SP140L: variants seen among roughly 807,000 people sequenced by gnomAD.
SP140L encodes SP140 like nuclear body protein.
A neutral mutation model predicts 84.3 loss-of-function variants in SP140L; 64 were observed. That is an observed-to-expected ratio of 0.76 (90% CI 0.62 to 0.94). SP140L has a LOEUF of 0.94. Among genes scored for constraint, SP140L ranks in the 40% least tolerant of loss-of-function variants. SP140L has a pLI of 0.00. For synonymous variants in SP140L, 242 were observed against 236.9 expected (o/e 1.02, Z -0.20); for missense variants, 628 against 692.5 (o/e 0.91, Z 1.05).
intron 5 of SP140L, among the ~76,000 whole-genome samples, chr2:230,367,953 T>C (rs1164492860): frequency 6.6e-6 from 1 of 152,128 alleles, no homozygotes; most frequent in Non-Finnish European, 1.5e-5. Context: ...ATATTGTAGG[T>C]ATTATTTTTA....
chr2:230,385,823 G>A (rs1022953507), intron 9 of SP140L, among the ~76,000 whole-genome samples: 1 of 152,170 alleles, frequency 6.6e-6, no homozygotes, highest in Non-Finnish European at 1.5e-5. Context: ...CCTTAGTCTG[G>A]AACACATATA....
chr2:230,363,103 T>C (rs1487131973), intron 5 of SP140L, among the ~76,000 whole-genome samples: 1 of 152,206 alleles, frequency 6.6e-6, no homozygotes, highest in African/African-American at 2.4e-5. Context: ...GATTTTCAAT[T>C]TATGTTGGGT....
intron 2 of SP140L, among the ~76,000 whole-genome samples, chr2:230,347,080 G>C (rs1425082504): frequency 6.6e-6 from 1 of 152,178 alleles, no homozygotes; most frequent in Non-Finnish European, 1.5e-5. Context: ...CAGGTCAGCT[G>C]GTAGCATCCA....
chr2:230,388,657 C>T (rs375370313), intron 10 of SP140L, 24 bp downstream of exon 10: 115 of 1,556,680 alleles, frequency 7.4e-5, no homozygotes, highest in Non-Finnish European at 9.7e-5. Context: ...GAGGAATGCA[C>T]TTTCAATAAC....
intron 7 of SP140L, among the ~76,000 whole-genome samples, chr2:230,380,371 A>G (rs940515909): frequency 2.0e-5 from 3 of 152,294 alleles, no homozygotes; most frequent in African/African-American, 2.4e-5. Context: ...CCATGTCACT[A>G]TCCATATATA....
intron 13 of SP140L, among the ~76,000 whole-genome samples, chr2:230,394,055 C>T (rs2061943102): frequency 6.6e-6 from 1 of 152,148 alleles, no homozygotes; most frequent in South Asian, 2.1e-4. Context: ...AAATTATTTA[C>T]CTTTGTCAAG....
chr2:230,361,104 C>T (rs2060701088), intron 4 of SP140L, among the ~76,000 whole-genome samples: 1 of 152,120 alleles, frequency 6.6e-6, no homozygotes, highest in Admixed American at 6.5e-5. Flanking sequence ...TGCACACAAC[C>T]ACATCAGGCT....
intron 2 of SP140L, among the ~76,000 whole-genome samples, chr2:230,354,928 A>AGAG (rs2060496267): frequency 6.7e-6 from 1 of 149,408 alleles, no homozygotes; most frequent in East Asian, 2.0e-4. Flanking sequence ...AAAGAAAGAA[A>AGAG]AAAGAAAAAG....
chr2:230,371,603 G>A lies in SP140L; in HGVS notation c.589G>A (p.Val197Met). ...SDQACGKMDT[V>M]DIANNSTLGK... ...TACCACTTGTTATTTTCTAGATACTGTGGATATTGCAAACAACTCTACTTT... is the reference window on the plus strand; with the variant it reads ...TACCACTTGTTATTTTCTAGATACTATGGATATTGCAAACAACTCTACTTT... Residue 197 changes from valine to methionine, a missense_variant, in exon 7 of 19, where the codon GTG becomes ATG. Around this residue, in one of 4 missense-constraint regions of SP140L, gnomAD observed 525 missense variants for 518.4 expected, o/e 1.01. Transcript: ENST00000415673. The A allele has an allele frequency of 6.2e-7, 1 of 1,603,422 alleles. No homozygotes were observed. The highest frequency in any genetic ancestry group is 8.5e-7 in the Non-Finnish European group (1 of 1,173,254).
intron 5 of SP140L, among the ~76,000 whole-genome samples, chr2:230,366,701 G>A (rs979787307): frequency 9.1e-4 from 80 of 88,216 alleles, no homozygotes; most frequent in African/African-American, 4.4e-3. Flanking sequence ...TTGTTTTGTG[G>A]ATTATTATCT....
chr2:230,336,687 T>C (rs2059892170), intron 2 of SP140L, among the ~76,000 whole-genome samples: 1 of 152,240 alleles, frequency 6.6e-6, no homozygotes, highest in Non-Finnish European at 1.5e-5. Flanking sequence ...TTACTGGACT[T>C]GTCAACTTCT....
intron 2 of SP140L, among the ~76,000 whole-genome samples, chr2:230,335,204 ATTTAT>A (rs1156449172): frequency 6.6e-6 from 1 of 151,798 alleles, no homozygotes; most frequent in Admixed American, 6.6e-5. Flanking sequence ...ATATTTTTCT[ATTTAT>A]TTTCTTTCCT....
At chr2:230,391,170 C>G (rs771456833) in intron 11 of SP140L, among the ~76,000 whole-genome samples, 1 of 152,186 alleles carries the variant, frequency 6.6e-6, no homozygotes, top group Admixed American at 6.5e-5. Context: ...ATAAATAATG[C>G]TGTTTTGAAC....
chr2:230,357,186 A>C (rs1442642834), intron 2 of SP140L, among the ~76,000 whole-genome samples: 1 of 152,200 alleles, frequency 6.6e-6, no homozygotes, highest in Non-Finnish European at 1.5e-5. Flanking sequence ...AATAGTATGG[A>C]CAGATTTATA....
intron 2 of SP140L, among the ~76,000 whole-genome samples, chr2:230,354,873 G>GAAAGAAAGAAAGAA (rs1553617585): frequency 8.6e-6 from 1 of 116,352 alleles, no homozygotes; most frequent in East Asian, 3.2e-4. Context: ...AAGAAAGAAA[G>GAAAGAAAGAAAGAA]AAAGAAAGAA....
At chr2:230,348,088 G>C (rs1372013802) in intron 2 of SP140L, among the ~76,000 whole-genome samples, 1 of 152,214 alleles carries the variant, frequency 6.6e-6, no homozygotes, top group Admixed American at 6.5e-5. Context: ...GTCCTCCTCA[G>C]GCTCTCTTTT....
At chr2:230,374,457 T>C (rs1252176404) in intron 7 of SP140L, among the ~76,000 whole-genome samples, 1 of 152,218 alleles carries the variant, frequency 6.6e-6, no homozygotes, top group Non-Finnish European at 1.5e-5. Flanking sequence ...CTGGGAAAGA[T>C]GCTGTGAACA....
intron 2 of SP140L, among the ~76,000 whole-genome samples, chr2:230,352,806 ATG>A (rs955361817): frequency 6.7e-6 from 1 of 150,308 alleles, no homozygotes; most frequent in South Asian, 2.1e-4. Context: ...GCATATGTGT[ATG>A]TGTGTATATA....
chr2:230,376,258 A>T (rs997150406), intron 7 of SP140L, among the ~76,000 whole-genome samples: 14 of 152,168 alleles, frequency 9.2e-5, no homozygotes, highest in Non-Finnish European at 2.1e-4. Flanking sequence ...TCCTAGTCAG[A>T]GCAATTAGGC....
Sources: allele counts gnomAD v4.1 joint callset (sites outside exome capture counted in the v4.1 genomes callset), GRCh38; gene constraint gnomAD v4.1.1; regional missense constraint gnomAD v4.1.1; transcripts MANE v1.5; gene names NCBI Gene and HGNC (gene_info 2026-07-23, HGNC 2026-07-21).